FAM20B: variants seen among roughly 807,000 people sequenced by gnomAD.
FAM20B encodes FAM20B glycosaminoglycan xylosylkinase, also known as glycosaminoglycan xylosylkinase.
A neutral mutation model predicts 43.8 loss-of-function variants in FAM20B; 23 were observed. That is an observed-to-expected ratio of 0.53 (90% CI 0.38 to 0.74). The LOEUF (loss-of-function observed/expected upper bound fraction) is 0.74. FAM20B is among the 30% of genes least tolerant of loss of function. The probability of loss-of-function intolerance (pLI) is 0.00; values close to 1 mark genes in which losing one functional copy is unlikely to be tolerated. For synonymous variants in FAM20B, 178 were observed against 192.4 expected (o/e 0.93, Z 0.62); for missense variants, 440 against 510.5 (o/e 0.86, Z 1.33).
intron 4 of FAM20B, among the ~76,000 whole-genome samples, chr1:179,061,027 C>G (rs749713173): frequency 6.6e-6 from 1 of 150,844 alleles, no homozygotes; most frequent in Non-Finnish European, 1.5e-5. Context: ...GAGTTCATCC[C>G]TAGGGCATAT....
At chr1:179,033,539 C>T (rs568561314) in intron 1 of FAM20B, among the ~76,000 whole-genome samples, 5 of 152,188 alleles carry the variant, frequency 3.3e-5, no homozygotes, top group East Asian at 3.9e-4. Flanking sequence ...TTTTTAGTCA[C>T]GTAATTTATT....
intron 1 of FAM20B, among the ~76,000 whole-genome samples, chr1:179,030,893 A>ATGTG (rs1206684101): frequency 1.3e-5 from 2 of 150,772 alleles, no homozygotes; most frequent in African/African-American, 2.4e-5. Context: ...AAAAAAAAAA[A>ATGTG]TGTGTGTGTG....
At chr1:179,017,959 C>G in the FAM20B span, among the ~76,000 whole-genome samples, 1 of 152,192 alleles carries the variant, frequency 6.6e-6, no homozygotes, top group Non-Finnish European at 1.5e-5. Context: ...AAACTGCAGA[C>G]GTGTGAAAGA....
chr1:179,044,125 C>A lies in FAM20B; in HGVS notation c.278C>A (p.Thr93Asn). ...GGGGCAGTCATGCATGCCATGGCCA[C>A]CAAGAAAATCATTAAAGCTGATGTG... ...ELGAVMHAMA[T>N]KKIIKADVGY... Residue 93 changes from threonine (T) to asparagine (N), a missense_variant, in exon 2 of 8, where the codon ACC (threonine) becomes AAC (asparagine). Physicochemically the swap from Thr to Asn is moderately conservative, Grantham distance 65. Coordinates refer to ENST00000263733, the MANE Select transcript of FAM20B (RefSeq NM_014864.4). The A allele has an allele frequency of 6.2e-7, 1 of 1,613,960 alleles. No homozygotes were observed. The highest frequency in any genetic ancestry group is 1.1e-5 in the South Asian group (1 of 91,056).
chr1:179,070,669 C>T (rs1439047975), intron 7 of FAM20B, among the ~76,000 whole-genome samples: 1 of 151,720 alleles, frequency 6.6e-6, no homozygotes, highest in Non-Finnish European at 1.5e-5. Context: ...GGATTACAGG[C>T]ACCTGCCACC....
intron 1 of FAM20B, chr1:179,035,668 C>A: frequency 5.2e-6 from 2 of 382,302 alleles, no homozygotes; most frequent in South Asian, 2.8e-5. Flanking sequence ...AGGCATGGAC[C>A]GGAGAGGAGA....
At chr1:179,020,638 G>A in the FAM20B span, among the ~76,000 whole-genome samples, 4 of 152,298 alleles carry the variant, frequency 2.6e-5, no homozygotes, top group East Asian at 3.9e-4. Flanking sequence ...TGGCTTAGTC[G>A]CTAGTAGGAC....
chr1:179,020,935 G>C (rs1649593770), upstream of FAM20B, among the ~76,000 whole-genome samples: 1 of 152,178 alleles, frequency 6.6e-6, no homozygotes, highest in Non-Finnish European at 1.5e-5. Context: ...GCCAGGCATG[G>C]TGGCGCACGC....
chr1:179,042,750 A>G (rs1351162040), intron 1 of FAM20B, among the ~76,000 whole-genome samples: 1 of 152,156 alleles, frequency 6.6e-6, no homozygotes, highest in Non-Finnish European at 1.5e-5. Context: ...TTCTGCAGCC[A>G]TGTTGTTCTG....
At chr1:179,027,769 CTA>C (rs1225181181) in intron 1 of FAM20B, among the ~76,000 whole-genome samples, 2 of 152,220 alleles carry the variant, frequency 1.3e-5, no homozygotes, top group Admixed American at 1.3e-4. Context: ...ATTCGTTTCT[CTA>C]GAACTGGTAG....
chr1:179,035,384 C>G, intron 1 of FAM20B: 3 of 708,166 alleles, frequency 4.2e-6, no homozygotes, highest in Non-Finnish European at 7.8e-6. Flanking sequence ...TCCTCGTGGG[C>G]TTCATGAGAT....
chr1:179,052,614 A>C (rs1365077643), intron 3 of FAM20B, among the ~76,000 whole-genome samples: 1 of 152,228 alleles, frequency 6.6e-6, no homozygotes, highest in Admixed American at 6.5e-5. Flanking sequence ...AAAGATATAT[A>C]TACAACAGTC....
At chr1:179,071,130 TA>T (rs1327516030) in intron 7 of FAM20B, among the ~76,000 whole-genome samples, 4 of 151,698 alleles carry the variant, frequency 2.6e-5, no homozygotes, top group East Asian at 3.9e-4. Context: ...CCGTCTCTAC[TA>T]AAAAATACAA....
the FAM20B span, among the ~76,000 whole-genome samples, chr1:179,019,451 T>TTTTG: frequency 1.3e-5 from 2 of 150,490 alleles, no homozygotes; most frequent in East Asian, 2.0e-4. Flanking sequence ...TGGTTTTTTT[T>TTTTG]TTTGTTTGTT....
At chr1:179,055,427 A>T (rs556238822) in intron 4 of FAM20B, among the ~76,000 whole-genome samples, 1 of 152,236 alleles carries the variant, frequency 6.6e-6, no homozygotes, top group Non-Finnish European at 1.5e-5. Flanking sequence ...GTGGATTTAC[A>T]TTTAAAATGA....
chr1:179,022,374 T>A (rs146777456), upstream of FAM20B, among the ~76,000 whole-genome samples: 522 of 152,304 alleles, frequency 3.4e-3, 4 homozygotes, highest in African/African-American at 0.012. Flanking sequence ...CTCGACTTGC[T>A]TGATGTAGAA....
rs1652047206 is a variant in FAM20B at position 179,074,209 on chromosome 1, T to C, written c.*2065T>C. The C allele has an allele frequency of 6.6e-6, 1 of 152,642 alleles. No individual in the cohort carries two copies. Among genetic ancestry groups the C allele is most frequent in the South Asian group, 2.1e-4 (1 of 4,834 alleles). 9.5% of individuals were successfully genotyped at this position (152,642 alleles called of 1,614,324 possible). On this transcript the variant is annotated 3_prime_UTR_variant, in exon 8 of 8. Coordinates refer to ENST00000263733, the MANE Select transcript of FAM20B (RefSeq NM_014864.4). Reference sequence around the variant, plus strand: ...AATGGGCTGAGTTATAAAAAGCGTGTATTGAATTTAAGAAGACAGACTAGC... The same window carrying C: ...AATGGGCTGAGTTATAAAAAGCGTGCATTGAATTTAAGAAGACAGACTAGC...
intron 6 of FAM20B, among the ~76,000 whole-genome samples, chr1:179,064,959 G>A (rs993564585): frequency 2.0e-5 from 3 of 152,272 alleles, no homozygotes; most frequent in Non-Finnish European, 4.4e-5. Flanking sequence ...GCTGTCATGG[G>A]AAGAAGAGCT....
At chr1:179,063,136 G>A (rs2102520447) in intron 4 of FAM20B, among the ~76,000 whole-genome samples, 1 of 152,286 alleles carries the variant, frequency 6.6e-6, no homozygotes, top group East Asian at 1.9e-4. Flanking sequence ...AATTAGCCAA[G>A]CATGGTGGCA....
Sources: allele counts gnomAD v4.1 joint callset (sites outside exome capture counted in the v4.1 genomes callset), GRCh38; gene constraint gnomAD v4.1.1; transcripts MANE v1.5; gene names NCBI Gene and HGNC (gene_info 2026-07-23, HGNC 2026-07-21).